Variants in SLC9A9 observed in about 807,000 individuals in gnomAD.
The protein encoded by SLC9A9 is sodium/hydrogen exchanger 9.
SLC9A9 carries 62 observed loss-of-function variants against 77.8 expected under a neutral mutation model. The observed-to-expected ratio is 0.80, with a 90% CI of 0.65 to 0.98. The LOEUF is 0.98. Ranked by LOEUF, SLC9A9 falls within the 50% of genes least tolerant of loss-of-function variation. The pLI is 0.00. For missense variants in SLC9A9, 775 were observed against 774.9 expected, an observed-to-expected ratio of 1.00 and a Z score of 0.00; for synonymous variants, 320 against 283.5, an observed-to-expected ratio of 1.13 and a Z score of -1.29.
intron 4 of SLC9A9, among the ~76,000 whole-genome samples, chr3:143,775,924 C>G (rs1038029269): frequency 6.6e-6 from 1 of 152,134 alleles, no homozygotes; most frequent in Non-Finnish European, 1.5e-5. Flanking sequence ...TGCCTTTAAG[C>G]ACCGTTAAAA....
At chr3:143,348,034 A>G (rs1442302976) in intron 14 of SLC9A9, among the ~76,000 whole-genome samples, 1 of 120,736 alleles carries the variant, frequency 8.3e-6, no homozygotes, top group African/African-American at 3.6e-5. Flanking sequence ...TTTTTTTTTT[A>G]GAGGGAATCT....
chr3:143,548,493 C>T (rs770765166), intron 9 of SLC9A9, among the ~76,000 whole-genome samples: 2 of 152,146 alleles, frequency 1.3e-5, no homozygotes, highest in Non-Finnish European at 2.9e-5. Flanking sequence ...ACAGGGCTTA[C>T]AGTATCTGTC....
intron 14 of SLC9A9, among the ~76,000 whole-genome samples, chr3:143,277,717 G>A (rs555129940): frequency 1.3e-5 from 2 of 152,326 alleles, no homozygotes; most frequent in South Asian, 4.1e-4. Context: ...TTGGCTTTTA[G>A]TGGCTTTCTG....
chr3:143,359,306 T>A (rs2032675506), intron 14 of SLC9A9, among the ~76,000 whole-genome samples: 1 of 152,100 alleles, frequency 6.6e-6, no homozygotes, highest in Admixed American at 6.6e-5. Flanking sequence ...CCAATTTCTG[T>A]CTATGGAAGG....
chr3:143,295,194 TAA>T (rs2030209228), intron 14 of SLC9A9, among the ~76,000 whole-genome samples: 1 of 152,230 alleles, frequency 6.6e-6, no homozygotes, highest in South Asian at 2.1e-4. Flanking sequence ...ACTGCACTCT[TAA>T]AAGGTAAGAG....
intron 14 of SLC9A9, among the ~76,000 whole-genome samples, chr3:143,319,156 C>T (rs17636943): frequency 0.16 from 23,812 of 152,076 alleles, 2,152 homozygotes; most frequent in Admixed American, 0.24. Flanking sequence ...AATAACTGGG[C>T]GCTAGTCTAA....
intron 9 of SLC9A9, among the ~76,000 whole-genome samples, chr3:143,521,629 T>C (rs973989895): frequency 3.3e-5 from 5 of 152,132 alleles, no homozygotes; most frequent in African/African-American, 9.6e-5. Context: ...TGCCTTCTTT[T>C]GTATTGATTA....
At position 143,403,873 on chromosome 3, in the gene SLC9A9, T is replaced by G. The variant is rs553749063; in HGVS notation, c.1470-21759A>C. 4.6e-5 allele frequency among the ~76,000 whole-genome samples: 7 copies of G among 152,316 alleles called. No individual in the cohort carries two copies. The South Asian group carries it at 1.5e-3, about 32-fold the overall frequency. ...GTGGATTGATTTTTAAAAATCATATTTGGGAGGTTTTCAGCCATTATTCCT... is the reference window on the plus strand; with the variant it reads ...GTGGATTGATTTTTAAAAATCATATGTGGGAGGTTTTCAGCCATTATTCCT... On this transcript the variant is annotated intron_variant, in intron 12 of 15. Coordinates refer to ENST00000316549, the MANE Select transcript of SLC9A9 (RefSeq NM_173653.4).
At chr3:143,463,540 C>T (rs73867653) in intron 12 of SLC9A9, among the ~76,000 whole-genome samples, 32 of 152,244 alleles carry the variant, frequency 2.1e-4, no homozygotes, top group African/African-American at 7.0e-4. Context: ...CAGAGCTAGT[C>T]CTTGGAGACT....
intron 1 of SLC9A9, among the ~76,000 whole-genome samples, chr3:143,840,342 A>AT (rs372838564): frequency 0.89 from 135,156 of 151,896 alleles, 61,352 homozygotes; most frequent in South Asian, 0.99. Context: ...ACCCAGAAGC[A>AT]TAGTTAATGG....
At chr3:143,407,566 G>A (rs991338955) in intron 12 of SLC9A9, among the ~76,000 whole-genome samples, 1 of 152,104 alleles carries the variant, frequency 6.6e-6, no homozygotes, top group Non-Finnish European at 1.5e-5. Context: ...GATGTTTTGT[G>A]CAGTTGTTCA....
At chr3:143,718,233 C>T (rs1934404218) in intron 4 of SLC9A9, among the ~76,000 whole-genome samples, 1 of 152,104 alleles carries the variant, frequency 6.6e-6, no homozygotes, top group Admixed American at 6.5e-5. Flanking sequence ...CCTTTTTCCT[C>T]TTTGCAATCT....
intron 8 of SLC9A9, among the ~76,000 whole-genome samples, chr3:143,563,727 C>T (rs1244676746): frequency 6.6e-6 from 1 of 152,116 alleles, no homozygotes; most frequent in Non-Finnish European, 1.5e-5. Flanking sequence ...GCATGTGTTA[C>T]ATAATAAATC....
rs765858810 is a variant in SLC9A9 at position 143,794,993 on chromosome 3, T to C, written c.533+8A>G. ...CCACCTGCAACTTGAGCTCCGAATG[T>C]CACTTACCCTATGACGATGCAGGAG... On this transcript the variant is annotated splice_region_variant and intron_variant, in intron 4 of 15. Coordinates refer to ENST00000316549, the MANE Select transcript of SLC9A9 (RefSeq NM_173653.4). 1.2e-6 allele frequency: 2 copies of C among 1,613,542 alleles called. No individual in the cohort carries two copies. Among genetic ancestry groups the C allele is most frequent in the East Asian group, 2.2e-5 (1 of 44,872 alleles).
chr3:143,482,204 A>G (rs2035586111), intron 11 of SLC9A9, among the ~76,000 whole-genome samples: 1 of 152,190 alleles, frequency 6.6e-6, no homozygotes, highest in Non-Finnish European at 1.5e-5. Context: ...ATTTTCTTAA[A>G]GTTTGTCTTC....
intron 4 of SLC9A9, among the ~76,000 whole-genome samples, chr3:143,741,468 G>A (rs1442334628): frequency 1.3e-5 from 2 of 152,154 alleles, no homozygotes; most frequent in African/African-American, 4.8e-5. Flanking sequence ...ATAAATGGAT[G>A]GTAAGAGACA....
At chr3:143,662,143 G>A (rs1050760388) in intron 5 of SLC9A9, among the ~76,000 whole-genome samples, 1 of 152,110 alleles carries the variant, frequency 6.6e-6, no homozygotes, top group Non-Finnish European at 1.5e-5. Flanking sequence ...TGTCTTACAA[G>A]GTCAGGCAAG....
intron 14 of SLC9A9, among the ~76,000 whole-genome samples, chr3:143,340,971 T>G (rs2032080153): frequency 6.6e-6 from 1 of 152,204 alleles, no homozygotes. Context: ...CTTTATCACT[T>G]TTGCTGGTAG....
chr3:143,462,522 A>G (rs1307724101), intron 12 of SLC9A9, among the ~76,000 whole-genome samples: 1 of 152,148 alleles, frequency 6.6e-6, no homozygotes, highest in Non-Finnish European at 1.5e-5. Context: ...GGGTTGGGAG[A>G]TGAGCATGAG....
Sources: gnomAD v4.1 joint callset for allele counts (sites outside exome capture counted in the v4.1 genomes callset) on GRCh38, gnomAD v4.1.1 for gene constraint, MANE v1.5 for transcripts, NCBI Gene and HGNC (gene_info 2026-07-23, HGNC 2026-07-21) for gene names.